The following ARSF variants were observed in gnomAD, a reference collection of about 807,000 sequenced individuals.
ARSF encodes arylsulfatase F.
A neutral mutation model predicts 35.4 loss-of-function variants in ARSF; 33 were observed. The observed-to-expected ratio is 0.93, with a 90% CI of 0.71 to 1.25. The LOEUF (loss-of-function observed/expected upper bound fraction) is 1.25. Ranked by LOEUF, ARSF falls within the 50% of genes most tolerant of loss-of-function variation. The probability of loss-of-function intolerance (pLI) is 0.00; values close to 1 mark genes in which losing one functional copy is unlikely to be tolerated. For missense variants in ARSF, 501 were observed against 480.2 expected (o/e 1.04, Z -0.40); for synonymous variants, 222 against 193.1 (o/e 1.15, Z -1.24).
At chrX:3,046,656 G>C (rs1311740521) in intron 1 of ARSF, among the ~76,000 whole-genome samples, 3 of 111,740 alleles carry the variant, frequency 2.7e-5, no homozygotes, top group African/African-American at 9.8e-5. Flanking sequence ...TAAAATGAAA[G>C]TAAAAGAGTG....
chrX:3,081,959 C>T (rs1200680839), intron 5 of ARSF, among the ~76,000 whole-genome samples: 2 of 111,331 alleles, frequency 1.8e-5, no homozygotes, highest in Non-Finnish European at 1.9e-5. Context: ...AGGCAATCTC[C>T]GTGGGGTTGC....
At chrX:3,044,610 G>C (rs2089967509) in intron 1 of ARSF, among the ~76,000 whole-genome samples, 1 of 110,516 alleles carries the variant, frequency 9.0e-6, no homozygotes, top group South Asian at 4.0e-4. Flanking sequence ...TTTCTCTGAA[G>C]CCTAGCCTTC....
intron 7 of ARSF, among the ~76,000 whole-genome samples, chrX:3,097,514 A>C (rs990387965): frequency 9.8e-5 from 11 of 111,936 alleles, no homozygotes; most frequent in Non-Finnish European, 2.1e-4. Flanking sequence ...TAAAAGTACA[A>C]ATATTAGAGT....
chrX:3,079,277 G>A lies in ARSF; in HGVS notation c.284-1614G>A, dbSNP rs371936130. 9.1e-5 allele frequency among the ~76,000 whole-genome samples: 10 copies of A among 109,726 alleles called. No individual in the cohort carries two copies. In the South Asian group the frequency reaches 3.6e-3, roughly 39 times the overall value. Reference sequence around the variant, plus strand: ...GAATACCAGTTTTCAATCCTTTTGGGTTCCTCAGGAACCTCAATTCTTTTG... The same window carrying A: ...GAATACCAGTTTTCAATCCTTTTGGATTCCTCAGGAACCTCAATTCTTTTG... On this transcript the variant is annotated intron_variant, in intron 4 of 10. Coordinates refer to ENST00000381127, the MANE Select transcript of ARSF (RefSeq NM_001201539.2).
chrX:3,075,099 C>T (rs2090136174), intron 3 of ARSF, among the ~76,000 whole-genome samples: 1 of 111,995 alleles, frequency 8.9e-6, no homozygotes, highest in Non-Finnish European at 1.9e-5. Flanking sequence ...TCTATCAAAC[C>T]AGTGAGTGGG....
At chrX:3,079,970 CA>C (rs1224175073) in intron 4 of ARSF, among the ~76,000 whole-genome samples, 396 of 28,408 alleles carry the variant, frequency 0.014, 1 homozygote, top group African/African-American at 0.021. Context: ...ACAACAACAA[CA>C]AAAAAAAAAA....
chrX:3,071,677 A>G (rs151329653), intron 2 of ARSF, among the ~76,000 whole-genome samples: 3,426 of 111,046 alleles, frequency 0.031, 44 homozygotes, highest in Middle Eastern at 0.074. Flanking sequence ...TGGATCAAAT[A>G]GTAGATCTAC....
At chrX:3,095,158 A>C (rs1449070576) in intron 7 of ARSF, among the ~76,000 whole-genome samples, 11 of 108,171 alleles carry the variant, frequency 1.0e-4, no homozygotes. Context: ...AGAAATAATC[A>C]TTTCCATGGC....
chrX:3,066,912 CTT>C (rs35065012), intron 1 of ARSF: 1,363 of 92,437 alleles, frequency 0.015, 17 homozygotes, highest in African/African-American at 0.032. Context: ...TTTTCTCAGC[CTT>C]TTTTTTTTTT....
At chrX:3,072,745 A>G (rs865896811) in intron 3 of ARSF, among the ~76,000 whole-genome samples, 5 of 109,441 alleles carry the variant, frequency 4.6e-5, no homozygotes, top group African/African-American at 1.6e-4. Flanking sequence ...GTACATGTAC[A>G]TATACAGATA....
intron 9 of ARSF, among the ~76,000 whole-genome samples, chrX:3,106,044 G>A (rs778070252): frequency 9.0e-6 from 1 of 111,670 alleles, no homozygotes; most frequent in Non-Finnish European, 1.9e-5. Context: ...TCACTCCAGT[G>A]CATTCGGCGC....
At position 3,103,784 on chromosome X, in the gene ARSF, G is replaced by A. The variant is rs760922904; in HGVS notation, c.1125G>A (p.Trp375Ter). ...IYKGGKGMGG[W>*]EGGIRVPGIV... ...TAGGTGGAAAAGGCATGGGGGGCTG[G>A]GAAGGTGGAATCCGCGTCCCAGGAA... The change falls in exon 9 of 11, where the codon TGG becomes TGA. Residue 375 changes from tryptophan (W) to a stop codon, truncating the protein, a stop_gained. Coordinates refer to ENST00000381127, the MANE Select transcript of ARSF (RefSeq NM_001201539.2). LOFTEE classifies it high-confidence loss of function. The A allele has an allele frequency of 1.7e-6, 2 of 1,211,627 alleles. No individual in the cohort carries two copies. Among genetic ancestry groups the A allele is most frequent in the African/African-American group, 1.7e-5 (1 of 57,830 alleles).
intron 2 of ARSF, among the ~76,000 whole-genome samples, chrX:3,068,478 G>A (rs2090081566): frequency 8.9e-6 from 1 of 111,863 alleles, no homozygotes; most frequent in South Asian, 3.7e-4. Context: ...AGACGACAGT[G>A]GTGCAGTCAT....
chrX:3,050,026 A>AT (rs942812456), intron 1 of ARSF, among the ~76,000 whole-genome samples: 16 of 110,149 alleles, frequency 1.5e-4, no homozygotes, highest in African/African-American at 5.3e-4. Context: ...CGCCCAGCTA[A>AT]TTTTTTTGTA....
intron 10 of ARSF, among the ~76,000 whole-genome samples, chrX:3,110,867 C>T (rs997346527): frequency 8.9e-6 from 1 of 112,141 alleles, no homozygotes; most frequent in Admixed American, 9.5e-5. Context: ...CATTGCACTC[C>T]AGCCTGGAAG....
Position 3,054,148 on chromosome X carries a change from A to G in ARSF, c.-29+12485A>G, listed in dbSNP as rs184269999. Among the ~76,000 whole-genome samples, 3 of 111,583 alleles carry G rather than the reference A, an allele frequency of 2.7e-5. No individual in the cohort carries two copies. In the East Asian group the frequency reaches 8.5e-4, roughly 32 times the overall value. On this transcript the variant is annotated intron_variant, in intron 1 of 10. Transcript: ENST00000381127. ...GGTCCCAGCTGCACACTCACTTTAC[A>G]GTGTGTGCTGTACTTGGTCAAGTGT...
At chrX:3,072,303 T>G in intron 3 of ARSF, 128 bp downstream of exon 3, 2 of 622,263 alleles carry the variant, frequency 3.2e-6, no homozygotes, top group Non-Finnish European at 4.8e-6. Context: ...ACTTTAAACT[T>G]TTTGATAGTT....
chrX:3,093,966 G>C (rs1603464885), intron 7 of ARSF, among the ~76,000 whole-genome samples: 1 of 111,668 alleles, frequency 9.0e-6, no homozygotes, highest in Admixed American at 9.6e-5. Context: ...GTCATTGAAA[G>C]TAATGATAGA....
At chrX:3,098,089 A>ACACACAC (rs2090350416) in intron 7 of ARSF, among the ~76,000 whole-genome samples, 1 of 44,311 alleles carries the variant, frequency 2.3e-5, no homozygotes, top group African/African-American at 8.3e-5. Context: ...CACACACACA[A>ACACACAC]TGGACACTTT....
Sources: allele counts gnomAD v4.1 joint callset (sites outside exome capture counted in the v4.1 genomes callset), GRCh38; gene constraint gnomAD v4.1.1; transcripts MANE v1.5; gene names NCBI Gene and HGNC (gene_info 2026-07-23, HGNC 2026-07-21).